Variants in DRC4 observed in about 807,000 individuals in gnomAD.
The protein encoded by DRC4 is GAS-11.
chr16:90,037,913 AC>A, the DRC4 span: 9 of 1,446,094 alleles, frequency 6.2e-6, no homozygotes, highest in Non-Finnish European at 8.7e-6. Context: ...CACCAAGTTC[AC>A]CAAGGTGAGC....
chr16:90,043,937 A>G, the DRC4 span: 1 of 427,950 alleles, frequency 2.3e-6, no homozygotes. Flanking sequence ...TAGGTGATGT[A>G]GGACCAGGGG....
At chr16:90,044,064 G>A in the DRC4 span, 1 of 442,732 alleles carries the variant, frequency 2.3e-6, no homozygotes, top group South Asian at 1.6e-5. Context: ...ACACCTGAGA[G>A]AATTCAGCAG....
At chr16:90,020,463 G>A in the DRC4 span, among the ~76,000 whole-genome samples, 2 of 152,182 alleles carry the variant, frequency 1.3e-5, no homozygotes, top group Non-Finnish European at 2.9e-5. Context: ...CAGACAGAGG[G>A]CAGTCGGTTT....
the DRC4 span, chr16:90,040,397 A>G: frequency 6.2e-7 from 1 of 1,612,152 alleles, no homozygotes; most frequent in Non-Finnish European, 8.5e-7. Flanking sequence ...CTAGAACGCA[A>G]GCTGCAGGCT....
the DRC4 span, among the ~76,000 whole-genome samples, chr16:90,038,287 G>C: frequency 1.3e-5 from 2 of 152,132 alleles, no homozygotes; most frequent in African/African-American, 4.8e-5. Flanking sequence ...TCCCTTCCAG[G>C]TTTCCTGCAT....
the DRC4 span, chr16:90,027,964 ATGC>A: frequency 5.9e-6 from 3 of 511,140 alleles, no homozygotes; most frequent in African/African-American, 5.7e-5. Flanking sequence ...GTGGAAGGAC[ATGC>A]TTTTCTGATC....
At chr16:90,042,636 C>G in the DRC4 span, 2 of 938,882 alleles carry the variant, frequency 2.1e-6, no homozygotes, top group Non-Finnish European at 3.4e-6. Context: ...CCACTTCGTA[C>G]CTCGTTTGAC....
the DRC4 span, chr16:90,035,788 G>T: frequency 4.9e-5 from 79 of 1,610,272 alleles, no homozygotes; most frequent in Non-Finnish European, 2.5e-5. Flanking sequence ...AGCAAAAACT[G>T]GATTAAAACA....
the DRC4 span, chr16:90,020,148 A>C: frequency 1.8e-6 from 1 of 543,112 alleles, no homozygotes. Context: ...ACATTAGATC[A>C]TTGCATTTGT....
chr16:90,031,230 G>T, the DRC4 span: 1 of 1,600,250 alleles, frequency 6.2e-7, no homozygotes, highest in South Asian at 1.1e-5. Context: ...GCCTTTCGCC[G>T]GCCACACGCC....
chr16:90,022,630 C>G, the DRC4 span: 1 of 1,329,032 alleles, frequency 7.5e-7, no homozygotes, highest in Non-Finnish European at 9.9e-7. Flanking sequence ...TGACTTATCG[C>G]GGCATCGCCC....
chr16:90,029,880 C>T, the DRC4 span: 2 of 159,110 alleles, frequency 1.3e-5, no homozygotes, highest in Non-Finnish European at 1.4e-5. Flanking sequence ...CTTCAGGCTG[C>T]CCAGTAGCTG....
At chr16:90,025,042 A>T in the DRC4 span, among the ~76,000 whole-genome samples, 2 of 140,254 alleles carry the variant, frequency 1.4e-5, no homozygotes, top group Non-Finnish European at 3.1e-5. Context: ...TTTGAGGTAG[A>T]GTCTTACCCT....
At chr16:90,037,697 C>A in the DRC4 span, 1 of 1,476,070 alleles carries the variant, frequency 6.8e-7, no homozygotes, top group Non-Finnish European at 9.5e-7. Flanking sequence ...CCCAGGAGCC[C>A]GTGTTACTTG....
chr16:90,037,861 A>C, the DRC4 span: 1 of 1,611,660 alleles, frequency 6.2e-7, no homozygotes, highest in South Asian at 1.1e-5. Flanking sequence ...GAGTGGCACC[A>C]CGCTGGCCCT....
the DRC4 span, chr16:90,036,340 C>T: frequency 1.3e-3 from 2,050 of 1,537,944 alleles, 19 homozygotes; most frequent in African/African-American, 0.025. Flanking sequence ...AGGGGCACCA[C>T]GTCTTCCTCT....
At chr16:90,037,422 C>T in the DRC4 span, 1 of 1,597,234 alleles carries the variant, frequency 6.3e-7, no homozygotes, top group Non-Finnish European at 8.5e-7. Context: ...CTGGATTCCT[C>T]TCCCTCCTTG....
At chr16:90,042,770 G>A in the DRC4 span, 5 of 555,098 alleles carry the variant, frequency 9.0e-6, no homozygotes, top group Middle Eastern at 9.8e-4. Context: ...TGTAGGGGGG[G>A]ACCTGGACGC....
chr16:90,022,872 C>A, the DRC4 span: 1 of 784,676 alleles, frequency 1.3e-6, no homozygotes, highest in South Asian at 3.7e-5. Flanking sequence ...TTGTGGGGGT[C>A]TCCGTGGGGC....
Sources: gnomAD v4.1 joint callset for allele counts (sites outside exome capture counted in the v4.1 genomes callset) on GRCh38, gnomAD v4.1.1 for gene constraint, MANE v1.5 for transcripts, NCBI Gene and HGNC (gene_info 2026-07-23, HGNC 2026-07-21) for gene names.